The following SPECC1 variants were observed in gnomAD, a reference collection of about 807,000 sequenced individuals.
The protein encoded by SPECC1 is cytospin-B.
In SPECC1, 62 loss-of-function variants were observed where a neutral mutation model predicts 104.1. The observed-to-expected ratio is 0.60, with a 90% CI of 0.49 to 0.74. The LOEUF is 0.74. SPECC1 is among the 30% of genes least tolerant of loss of function. SPECC1 has a pLI of 0.00. For synonymous variants in SPECC1, 513 were observed against 501.6 expected, an observed-to-expected ratio of 1.02 and a Z score of -0.30; for missense variants, 1,306 against 1,310.5, an observed-to-expected ratio of 1.00 and a Z score of 0.05.
intron 1 of SPECC1, among the ~76,000 whole-genome samples, chr17:20,071,676 G>C (rs1052612800): frequency 6.6e-6 from 1 of 151,904 alleles, no homozygotes; most frequent in African/African-American, 2.4e-5. Context: ...TTTCTTACCA[G>C]GTTTATTTAT....
chr17:20,211,510 G>A (rs1339939518), intron 4 of SPECC1, among the ~76,000 whole-genome samples: 2 of 152,270 alleles, frequency 1.3e-5, no homozygotes, highest in African/African-American at 4.8e-5. Flanking sequence ...GCCTGGCTGT[G>A]CAGAGCCAGT....
intron 7 of SPECC1, among the ~76,000 whole-genome samples, chr17:20,242,979 GC>G (rs2039270170): frequency 6.6e-6 from 1 of 152,130 alleles, no homozygotes; most frequent in Non-Finnish European, 1.5e-5. Context: ...TTTAAGCATG[GC>G]CCCTAAACAC....
chr17:20,245,944 A>C lies in SPECC1; in HGVS notation c.2370A>C (p.Pro790=). 1 of 1,614,200 alleles carries C rather than the reference A, an allele frequency of 6.2e-7. No individual in the cohort carries two copies. ...RAAPPPVDEE[P]ESSEVDAAGR... is the part of the protein sequence containing the mutation. ...CATGCAGACCTGTGGATGAAGAGCC[A>C]GAGTCCTCTGAGGTCGATGCTGCTG... The change falls in exon 8 of 15, where the codon CCA becomes CCC. Residue 790 remains proline (P), a synonymous_variant. Transcript: ENST00000395527.
intron 3 of SPECC1, among the ~76,000 whole-genome samples, chr17:20,167,289 G>A (rs2033737841): frequency 6.6e-6 from 1 of 151,402 alleles, no homozygotes; most frequent in Non-Finnish European, 1.5e-5. Context: ...AAATCTTGAT[G>A]AAATTAGGAA....
intron 3 of SPECC1, among the ~76,000 whole-genome samples, chr17:20,145,355 G>A (rs571453960): frequency 6.6e-6 from 1 of 152,200 alleles, no homozygotes; most frequent in Non-Finnish European, 1.5e-5. Context: ...TGTGCCAAGT[G>A]CGTAACAGAA....
At position 20,227,337 on chromosome 17, in the gene SPECC1, T is replaced by G; in HGVS notation, c.1864-76T>G. ...TGGGTATATTGCATCATGGTGGGGC[T>G]TGGCCTTCTAGTGTACAGATCACTG... On this transcript the variant is annotated intron_variant, in intron 4 of 14. Coordinates refer to ENST00000395527, the MANE Select transcript of SPECC1 (RefSeq NM_001243439.2). The G allele has an allele frequency of 5.6e-6, 7 of 1,256,688 alleles. No homozygotes were observed. In the South Asian group the frequency reaches 9.3e-5, roughly 17 times the overall value. The allele number at this position is 1,256,688 out of a possible 1,614,324, so 77.8% of individuals were successfully genotyped here.
At chr17:20,048,915 A>G (rs980949196) in intron 1 of SPECC1, among the ~76,000 whole-genome samples, 12 of 152,092 alleles carry the variant, frequency 7.9e-5, no homozygotes, top group African/African-American at 1.9e-4. Context: ...AAAAATTCCC[A>G]GACATATCGC....
At position 20,314,768 on chromosome 17, in the gene SPECC1, C is replaced by G. The variant is rs560593486; in HGVS notation, c.*703C>G. On this transcript the variant is annotated 3_prime_UTR_variant, in exon 15 of 15. Coordinates refer to ENST00000395527, the MANE Select transcript of SPECC1 (RefSeq NM_001243439.2). ...GGCAACCTGGAAACGTGCGTGCGCA[C>G]TCAGCCTTTTGGGGAAAAATGGGAG... The G allele has an allele frequency of 1.8e-5, 4 of 217,862 alleles. No individual in the cohort carries two copies. The highest frequency in any genetic ancestry group is 1.9e-4 in the South Asian group (1 of 5,334). 13.5% of individuals were successfully genotyped at this position (217,862 alleles called of 1,614,324 possible). A position where few individuals can be genotyped will look rare whatever the true frequency, so the allele number is the denominator to read the frequency against.
At chr17:20,257,129 T>C (rs2039861603) in intron 10 of SPECC1, among the ~76,000 whole-genome samples, 1 of 152,178 alleles carries the variant, frequency 6.6e-6, no homozygotes, top group Non-Finnish European at 1.5e-5. Context: ...CAAAAGATAC[T>C]ACCTGGGGAC....
At chr17:20,195,733 A>G (rs1334037093) in intron 3 of SPECC1, among the ~76,000 whole-genome samples, 2 of 152,096 alleles carry the variant, frequency 1.3e-5, no homozygotes, top group African/African-American at 4.8e-5. Context: ...AATTTTTAGT[A>G]TTTTTAGTAG....
At chr17:20,078,127 T>C (rs1350673098) in intron 1 of SPECC1, among the ~76,000 whole-genome samples, 3 of 150,670 alleles carry the variant, frequency 2.0e-5, no homozygotes, top group Non-Finnish European at 4.4e-5. Flanking sequence ...GTCAAACATG[T>C]CATTCTTTCC....
intron 3 of SPECC1, among the ~76,000 whole-genome samples, chr17:20,145,109 C>T (rs1284539005): frequency 6.6e-6 from 1 of 152,156 alleles, no homozygotes; most frequent in Non-Finnish European, 1.5e-5. Flanking sequence ...GTTGATTTCT[C>T]TTTGAAGATT....
At chr17:20,011,414 ATGT>A (rs2043938447) in intron 1 of SPECC1, among the ~76,000 whole-genome samples, 1 of 152,058 alleles carries the variant, frequency 6.6e-6, no homozygotes, top group Non-Finnish European at 1.5e-5. Context: ...TGCTAGCATA[ATGT>A]TGTATATAGT....
chr17:20,306,004 C>T lies in SPECC1; in HGVS notation c.3058-19C>T, dbSNP rs569704477. 14 of 1,612,094 alleles carry T rather than the reference C, an allele frequency of 8.7e-6. No homozygotes were observed. In the East Asian group the frequency reaches 2.7e-4, roughly 31 times the overall value. ...TATTTTAAATTACTGATTCCAGTCT[C>T]TTTGTCTTTTTAACTTAGAAGAGGA... On this transcript the variant is annotated intron_variant, in intron 13 of 14. Coordinates refer to ENST00000395527, the MANE Select transcript of SPECC1 (RefSeq NM_001243439.2).
intron 1 of SPECC1, among the ~76,000 whole-genome samples, chr17:20,042,343 C>T (rs1215275746): frequency 5.9e-5 from 9 of 152,118 alleles, no homozygotes; most frequent in Non-Finnish European, 1.2e-4. Context: ...ACAGTGCTTT[C>T]ACTGTCACCA....
chr17:20,314,181 A>T lies in SPECC1; in HGVS notation c.*116A>T. ...CCACCCAGCTGCCTAGACTTCAAAGACAGGCTCAATCCAAGTGGACCAACA... is the reference window on the plus strand; with the variant it reads ...CCACCCAGCTGCCTAGACTTCAAAGTCAGGCTCAATCCAAGTGGACCAACA... On this transcript the variant is annotated 3_prime_UTR_variant, in exon 15 of 15. Coordinates refer to ENST00000395527, the MANE Select transcript of SPECC1 (RefSeq NM_001243439.2). The T allele has an allele frequency of 1.2e-6, 1 of 854,278 alleles. No individual in the cohort carries two copies. The highest frequency in any genetic ancestry group is 2.1e-5 in the Admixed American group (1 of 48,748). 52.9% of individuals were successfully genotyped at this position (854,278 alleles called of 1,614,324 possible).
intron 12 of SPECC1, among the ~76,000 whole-genome samples, chr17:20,293,981 T>C (rs2041255847): frequency 6.6e-6 from 1 of 151,954 alleles, no homozygotes; most frequent in African/African-American, 2.4e-5. Flanking sequence ...GACTTAGAAT[T>C]GAATTTTTTT....
At chr17:20,082,465 G>A (rs2047011385) in intron 1 of SPECC1, among the ~76,000 whole-genome samples, 1 of 152,076 alleles carries the variant, frequency 6.6e-6, no homozygotes, top group African/African-American at 2.4e-5. Flanking sequence ...CAGGCGTGGT[G>A]GTGCGCACCT....
At position 20,078,099 on chromosome 17, in the gene SPECC1, CAT is replaced by C. The variant is rs538994952; in HGVS notation, c.-21-18529_-21-18528del. Among the ~76,000 whole-genome samples, 382 of 151,236 alleles carry C rather than the reference CAT, an allele frequency of 2.5e-3. 1 individual carries two copies. The highest frequency in any genetic ancestry group is 6.4e-3 in the Admixed American group (97 of 15,258). ...TATATTACATATATACATAAAAAGA[CAT>C]ATGTATTTTTATAGAGTCAAACATG... On this transcript the variant is annotated intron_variant, in intron 1 of 14. Coordinates refer to ENST00000395527, the MANE Select transcript of SPECC1 (RefSeq NM_001243439.2).
Sources: gnomAD v4.1 joint callset for allele counts (sites outside exome capture counted in the v4.1 genomes callset) on GRCh38, gnomAD v4.1.1 for gene constraint, MANE v1.5 for transcripts, NCBI Gene and HGNC (gene_info 2026-07-23, HGNC 2026-07-21) for gene names.